The following ARL15 variants were observed in gnomAD, a reference collection of about 807,000 sequenced individuals.
The protein encoded by ARL15 is ARF like GTPase 15.
ARL15 carries 19 observed loss-of-function variants against 25.2 expected under a neutral mutation model. The observed-to-expected ratio is 0.75, with a 90% confidence interval of 0.53 to 1.10. The LOEUF (loss-of-function observed/expected upper bound fraction) is 1.10, where lower values mean the gene tolerates loss of function less well. Ranked by LOEUF, ARL15 falls within the 50% of genes least tolerant of loss-of-function variation. The probability of loss-of-function intolerance (pLI) is 0.00; values close to 1 mark genes in which losing one functional copy is unlikely to be tolerated. For synonymous variants in ARL15, 94 were observed against 86.8 expected (o/e 1.08, Z -0.46); for missense variants, 220 against 246.0 (o/e 0.89, Z 0.71).
At position 54,310,488 on chromosome 5, in the gene ARL15, C is replaced by G. The variant is rs752169243; in HGVS notation, c.-9G>C. On this transcript the variant is annotated 5_prime_UTR_variant, in exon 1 of 5. The change abolishes the stop of an existing upstream ORF in the 5' untranslated region. Coordinates refer to ENST00000504924, the MANE Select transcript of ARL15 (RefSeq NM_019087.3). ...ATTCGGAGATCAGACATCCGGCAGC[C>G]TAAAGCATCCGGAACGGCTCCGAAC... 3 of 1,601,494 alleles carry G rather than the reference C, an allele frequency of 1.9e-6. No homozygotes were observed. Among genetic ancestry groups the G allele is most frequent in the Admixed American group, 1.7e-5 (1 of 58,394 alleles).
intron 1 of ARL15, among the ~76,000 whole-genome samples, chr5:54,215,826 AGAAAT>A (rs1355368596): frequency 6.6e-6 from 1 of 152,132 alleles, no homozygotes; most frequent in Admixed American, 6.6e-5. Flanking sequence ...ATTCATGACA[AGAAAT>A]AAAAGAATGG....
At chr5:54,050,066 T>C (rs1750659494) in intron 4 of ARL15, among the ~76,000 whole-genome samples, 1 of 152,160 alleles carries the variant, frequency 6.6e-6, no homozygotes, top group Admixed American at 6.5e-5. Context: ...TTTTGTTGGT[T>C]AACACTCTTC....
chr5:54,030,402 T>C (rs406621), intron 4 of ARL15, among the ~76,000 whole-genome samples: 46,538 of 151,818 alleles, frequency 0.31, 8,125 homozygotes, highest in African/African-American at 0.47. Flanking sequence ...AGGACATTAA[T>C]GGAAATGTTG....
At chr5:54,142,086 T>C (rs1344260927) in intron 3 of ARL15, among the ~76,000 whole-genome samples, 3 of 152,244 alleles carry the variant, frequency 2.0e-5, no homozygotes, top group African/African-American at 4.8e-5. Context: ...GATTATCAAA[T>C]TGGTGTACAT....
intron 1 of ARL15, among the ~76,000 whole-genome samples, chr5:54,305,680 T>C (rs908539838): frequency 6.6e-6 from 1 of 152,198 alleles, no homozygotes; most frequent in Non-Finnish European, 1.5e-5. Flanking sequence ...AAGTGATTAA[T>C]AATAACTAAT....
chr5:54,279,980 C>T (rs1388204059), intron 1 of ARL15, among the ~76,000 whole-genome samples: 1 of 152,222 alleles, frequency 6.6e-6, no homozygotes, highest in Admixed American at 6.5e-5. Flanking sequence ...TGTGTTTCTA[C>T]TGGGCTGCGA....
chr5:54,151,607 C>A (rs1344871198), intron 3 of ARL15, among the ~76,000 whole-genome samples: 2 of 152,080 alleles, frequency 1.3e-5, no homozygotes. Context: ...TATAAAAACA[C>A]TTTCACAAAA....
intron 1 of ARL15, among the ~76,000 whole-genome samples, chr5:54,258,041 C>T (rs766643176): frequency 3.9e-5 from 6 of 151,978 alleles, no homozygotes; most frequent in Non-Finnish European, 7.4e-5. Flanking sequence ...TAAATCAACC[C>T]ATCCAGGCCA....
intron 4 of ARL15, among the ~76,000 whole-genome samples, chr5:53,996,618 TAA>T (rs529752025): frequency 9.1e-4 from 90 of 98,856 alleles, no homozygotes; most frequent in African/African-American, 2.9e-3. Flanking sequence ...GACTGTCTCA[TAA>T]AAAAAAAAAA....
chr5:53,933,993 T>C (rs1746278596), intron 4 of ARL15, among the ~76,000 whole-genome samples: 1 of 152,192 alleles, frequency 6.6e-6, no homozygotes, highest in South Asian at 2.1e-4. Context: ...TTTCTTTTAC[T>C]CTAACAATTT....
At chr5:54,179,720 T>C (rs1206070520) in intron 1 of ARL15, among the ~76,000 whole-genome samples, 1 of 152,036 alleles carries the variant, frequency 6.6e-6, no homozygotes, top group African/African-American at 2.4e-5. Context: ...ATAAAACTTA[T>C]GTATTAAGAG....
chr5:54,138,222 T>G (rs531365197), intron 3 of ARL15, among the ~76,000 whole-genome samples: 1 of 152,222 alleles, frequency 6.6e-6, no homozygotes, highest in Non-Finnish European at 1.5e-5. Flanking sequence ...GGCTCATGCC[T>G]GTCCCAACAT....
At position 53,884,367 on chromosome 5, in the gene ARL15, C is replaced by T. The variant is rs1182794599; in HGVS notation, c.*2194G>A. 8.0e-5 allele frequency: 11 copies of T among 137,544 alleles called. No individual in the cohort carries two copies. Among genetic ancestry groups the T allele is most frequent in the South Asian group, 2.5e-4 (1 of 3,996 alleles). 8.5% of individuals were successfully genotyped at this position (137,544 alleles called of 1,614,324 possible). A position where few individuals can be genotyped will look rare whatever the true frequency, so the allele number is the denominator to read the frequency against. ...TCCCACCCCCAGCCATCCCACCCAC[C>T]CCACCACCCACCCACCCATCCCCAC... is the stretch of plus-strand genomic sequence containing the variant. On this transcript the variant is annotated 3_prime_UTR_variant, in exon 5 of 5. Transcript: ENST00000504924.
intron 4 of ARL15, among the ~76,000 whole-genome samples, chr5:53,920,017 C>T (rs984594228): frequency 6.6e-6 from 1 of 152,096 alleles, no homozygotes; most frequent in African/African-American, 2.4e-5. Flanking sequence ...GTATTTAGCA[C>T]AGTGACTGCC....
At chr5:54,089,632 T>C (rs1417820909) in intron 4 of ARL15, among the ~76,000 whole-genome samples, 1 of 152,190 alleles carries the variant, frequency 6.6e-6, no homozygotes, top group Non-Finnish European at 1.5e-5. Flanking sequence ...GCACTCCTTT[T>C]GTAAGCCAGA....
At chr5:53,937,929 T>C (rs1561157255) in intron 4 of ARL15, among the ~76,000 whole-genome samples, 2 of 152,044 alleles carry the variant, frequency 1.3e-5, no homozygotes, top group South Asian at 2.1e-4. Flanking sequence ...CATAATATCA[T>C]CACCACTCTG....
At chr5:54,060,081 T>A (rs1165662138) in intron 4 of ARL15, among the ~76,000 whole-genome samples, 1 of 149,752 alleles carries the variant, frequency 6.7e-6, no homozygotes, top group Non-Finnish European at 1.5e-5. Context: ...ACTGGTCTTT[T>A]CTGTGCTGTT....
At chr5:54,263,135 T>G (rs551222313) in intron 1 of ARL15, among the ~76,000 whole-genome samples, 2,164 of 152,074 alleles carry the variant, frequency 0.014, 15 homozygotes, top group Middle Eastern at 0.031. Flanking sequence ...CACAATATTT[T>G]AGTTTTTTTT....
At chr5:53,898,859 G>T (rs1453053740) in intron 4 of ARL15, among the ~76,000 whole-genome samples, 3 of 151,762 alleles carry the variant, frequency 2.0e-5, no homozygotes, top group Non-Finnish European at 4.4e-5. Flanking sequence ...TCATCATGCT[G>T]CCCAGGCTGG....
Sources: gnomAD v4.1 joint callset for allele counts (sites outside exome capture counted in the v4.1 genomes callset) on GRCh38, gnomAD v4.1.1 for gene constraint, MANE v1.5 for transcripts, NCBI Gene and HGNC (gene_info 2026-07-23, HGNC 2026-07-21) for gene names.